TIMM23B: variants seen among roughly 807,000 people sequenced by gnomAD.
TIMM23B encodes the protein mitochondrial import inner membrane translocase subunit Tim23B.
A neutral mutation model predicts 27.3 loss-of-function variants in TIMM23B; 27 were observed. That is an observed-to-expected ratio of 0.99 (90% CI 0.73 to 1.36). The LOEUF is 1.36. Among genes scored for constraint, TIMM23B ranks in the 40% most tolerant of loss-of-function variants. TIMM23B has a pLI of 0.00. For missense variants in TIMM23B, 205 were observed against 244.2 expected (o/e 0.84, Z 1.07); for synonymous variants, 73 against 92.4 (o/e 0.79, Z 1.21).
chr10:49,954,112 TAGA>T (rs1460294385), intron 4 of TIMM23B: 1 of 156,588 alleles, frequency 6.4e-6, no homozygotes, highest in Non-Finnish European at 1.4e-5. Context: ...AACAATCTTT[TAGA>T]AGCAATACAA....
intron 6 of TIMM23B, among the ~76,000 whole-genome samples, chr10:49,969,466 C>T (rs1840320359): frequency 6.8e-6 from 1 of 147,730 alleles, no homozygotes; most frequent in African/African-American, 2.5e-5. Context: ...AAGATAGATT[C>T]TAAGAGGCCA....
intron 1 of TIMM23B, among the ~76,000 whole-genome samples, chr10:49,942,511 C>G (rs1436189470): frequency 6.6e-5 from 10 of 152,050 alleles, no homozygotes; most frequent in Non-Finnish European, 1.3e-4. Context: ...GGAAGCTGTC[C>G]GTGATTGACC....
intron 6 of TIMM23B, among the ~76,000 whole-genome samples, chr10:49,970,758 G>A (rs1263721189): frequency 1.3e-5 from 2 of 151,838 alleles, no homozygotes; most frequent in South Asian, 2.1e-4. Flanking sequence ...GGTGGGGGGC[G>A]CCTCTGCCCG....
At chr10:49,964,574 A>G (rs2132048877) in intron 6 of TIMM23B, among the ~76,000 whole-genome samples, 1 of 152,044 alleles carries the variant, frequency 6.6e-6, no homozygotes. Context: ...GAAATGATGA[A>G]ATGAAATAAT....
At chr10:49,957,488 T>G (rs1267933781) in intron 5 of TIMM23B, among the ~76,000 whole-genome samples, 5 of 152,124 alleles carry the variant, frequency 3.3e-5, no homozygotes, top group African/African-American at 9.7e-5. Context: ...ACTCCTGGGC[T>G]TATGTGATCT....
rs1308120030 is a variant in TIMM23B at position 49,973,270 on chromosome 10, G to A, written c.*206G>A. The A allele has an allele frequency of 4.4e-6, 2 of 453,152 alleles. No individual in the cohort carries two copies. The highest frequency in any genetic ancestry group is 5.4e-5 in the South Asian group (1 of 18,360). The allele number at this position is 453,152 out of a possible 1,614,324, so 28.1% of individuals were successfully genotyped here. A position where few individuals can be genotyped will look rare whatever the true frequency, so the allele number is the denominator to read the frequency against. ...AAGTCATGAACTGTTTATTTATGCT[G>A]TTATTTTTGTGTTTACTCACCTCAT... On this transcript the variant is annotated 3_prime_UTR_variant, in exon 7 of 7. Coordinates refer to ENST00000651259, the MANE Select transcript of TIMM23B (RefSeq NM_001290117.2).
rs1391040594 is a variant in TIMM23B, at chr10:49,942,246, T to C, written c.52T>C (p.Phe18Leu). The C allele has an allele frequency of 1.2e-6, 2 of 1,612,634 alleles. No homozygotes were observed. Among genetic ancestry groups the C allele is most frequent in the East Asian group, 4.5e-5 (2 of 44,850 alleles). ...CAAAACCACAGGGGTATTGGCCGGC[T>C]TTTTCGGAGCCGGCGAAGCAGGTTA... ...GDKTTGVLAGFFGAGEAGYSH... is the reference protein window; with the variant it reads ...GDKTTGVLAGLFGAGEAGYSH... Residue 18 changes from phenylalanine (F) to leucine (L), a missense_variant, in exon 1 of 7, where the codon TTT (phenylalanine) becomes CTT (leucine). Coordinates refer to ENST00000651259, the MANE Select transcript of TIMM23B (RefSeq NM_001290117.2).
chr10:49,949,474 T>A (rs1839454897), intron 2 of TIMM23B, among the ~76,000 whole-genome samples: 1 of 152,134 alleles, frequency 6.6e-6, no homozygotes, highest in Admixed American at 6.5e-5. Context: ...GCATGTATTT[T>A]GCTTTAATGT....
At chr10:49,971,349 A>AG (rs1329987775) in intron 6 of TIMM23B, among the ~76,000 whole-genome samples, 9 of 151,220 alleles carry the variant, frequency 6.0e-5, no homozygotes, top group African/African-American at 2.2e-4. Flanking sequence ...AAAAAAAAAA[A>AG]TACTGCAAGA....
chr10:49,942,826 A>G (rs1327823473), intron 1 of TIMM23B, among the ~76,000 whole-genome samples: 6 of 152,326 alleles, frequency 3.9e-5, no homozygotes, highest in Middle Eastern at 6.8e-3. Context: ...TGATATATAG[A>G]CATGAAGAAA....
chr10:49,959,532 T>C, intron 6 of TIMM23B, among the ~76,000 whole-genome samples: 1 of 152,292 alleles, frequency 6.6e-6, no homozygotes, highest in East Asian at 1.9e-4. Flanking sequence ...TTTGGCTACT[T>C]AATTTTTATT....
At chr10:49,964,996 G>A (rs1234421237) in intron 6 of TIMM23B, among the ~76,000 whole-genome samples, 3 of 152,252 alleles carry the variant, frequency 2.0e-5, no homozygotes, top group Non-Finnish European at 2.9e-5. Flanking sequence ...CTAGGTGGGC[G>A]GATCACTTGA....
Position 49,956,503 on chromosome 10 carries a change from T to C in TIMM23B, c.403+1443T>C, listed in dbSNP as rs1839731634. On this transcript the variant is annotated intron_variant, in intron 5 of 6. Transcript: ENST00000651259. Reference sequence around the variant, plus strand: ...TCTTCAATCCGAAGTACAGCAATTATGGGTAGCATATAAATGAAAATTTTA... The same window carrying C: ...TCTTCAATCCGAAGTACAGCAATTACGGGTAGCATATAAATGAAAATTTTA... Among the ~76,000 whole-genome samples the C allele has an allele frequency of 2.1e-5, 3 of 143,732 alleles. 1 individual carries two copies. Among genetic ancestry groups the C allele is most frequent in the Non-Finnish European group, 3.1e-5 (2 of 64,188 alleles). 94.3% of individuals were successfully genotyped at this position (143,732 alleles called of 152,430 possible).
At chr10:49,962,894 C>CTT (rs71215887) in intron 6 of TIMM23B, among the ~76,000 whole-genome samples, 12 of 123,280 alleles carry the variant, frequency 9.7e-5, no homozygotes, top group East Asian at 2.0e-4. Flanking sequence ...TCTACCATCA[C>CTT]TTTTTTTTTT....
intron 6 of TIMM23B, among the ~76,000 whole-genome samples, chr10:49,971,091 G>A (rs1840423751): frequency 6.6e-6 from 1 of 152,116 alleles, no homozygotes; most frequent in Non-Finnish European, 1.5e-5. Flanking sequence ...ATTAAGAGCG[G>A]TGCAAGATGT....
chr10:49,963,164 G>T (rs1263770181), intron 6 of TIMM23B, among the ~76,000 whole-genome samples: 1 of 152,088 alleles, frequency 6.6e-6, no homozygotes, highest in East Asian at 1.9e-4. Flanking sequence ...CTGAATTCCA[G>T]CCTGGGCGAT....
chr10:49,956,549 C>G (rs1839732986), intron 5 of TIMM23B, among the ~76,000 whole-genome samples: 2 of 145,126 alleles, frequency 1.4e-5, no homozygotes, highest in Admixed American at 7.0e-5. Flanking sequence ...CTGAGACTTC[C>G]TAGCGGTACT....
chr10:49,970,611 G>A (rs1261850736), intron 6 of TIMM23B, among the ~76,000 whole-genome samples: 2 of 149,048 alleles, frequency 1.3e-5, no homozygotes, highest in African/African-American at 2.5e-5. Context: ...CGCCCCGTCC[G>A]GGAGGTGGGG....
At chr10:49,964,360 G>T (rs188367341) in intron 6 of TIMM23B, among the ~76,000 whole-genome samples, 649 of 141,386 alleles carry the variant, frequency 4.6e-3, no homozygotes, top group East Asian at 0.019. Flanking sequence ...AATATGAAAT[G>T]CTGGGTGAAA....
Sources: gnomAD v4.1 joint callset for allele counts (sites outside exome capture counted in the v4.1 genomes callset) on GRCh38, gnomAD v4.1.1 for gene constraint, MANE v1.5 for transcripts, NCBI Gene and HGNC (gene_info 2026-07-23, HGNC 2026-07-21) for gene names.